The following MS4A13 variants were observed in gnomAD, a reference collection of about 807,000 sequenced individuals.
MS4A13 encodes membrane spanning 4-domains A13, also known as membrane-spanning 4-domains subfamily A member 13.
In MS4A13, 21 loss-of-function variants were observed where a neutral mutation model predicts 18.4. The observed-to-expected ratio is 1.14, with a 90% confidence interval of 0.81 to 1.64. The LOEUF (loss-of-function observed/expected upper bound fraction) is 1.64, where lower values mean the gene tolerates loss of function less well. Ranked by LOEUF, MS4A13 falls within the 40% of genes most tolerant of loss-of-function variation. The pLI is 0.00. For synonymous variants in MS4A13, 62 were observed against 57.2 expected (o/e 1.08, Z -0.38); for missense variants, 173 against 176.8 (o/e 0.98, Z 0.12).
Position 60,529,360 on chromosome 11 carries a change from T to C in MS4A13, c.307-5T>C. ...TTAAGATTTCTCCCTGTTTTTTGGT[T>C]ATAGAAACTTGGGAGGGAAGTATCA... On this transcript the variant is annotated splice_polypyrimidine_tract_variant and splice_region_variant and intron_variant, in intron 5 of 6. Transcript: ENST00000378186. The C allele has an allele frequency of 6.3e-7, 1 of 1,578,666 alleles. No homozygotes were observed. Among genetic ancestry groups the C allele is most frequent in the South Asian group, 1.1e-5 (1 of 88,174 alleles).
rs900238113 is a variant in MS4A13, at chr11:60,523,036, T to C, written c.130-861T>C. On this transcript the variant is annotated intron_variant, in intron 3 of 6. Coordinates refer to ENST00000378186, the MANE Select transcript of MS4A13 (RefSeq NM_001012417.3). ...ATAATCTCATTAGAGAGCACTCTAA[T>C]TCAAAATTCACAAGATATTTTCACT... is the stretch of plus-strand genomic sequence containing the variant. 2.6e-5 allele frequency among the ~76,000 whole-genome samples: 4 copies of C among 152,352 alleles called. No homozygotes were observed. The South Asian group carries it at 8.3e-4, about 32-fold the overall frequency.
At position 60,542,597 on chromosome 11, in the gene MS4A13, T is replaced by G. The variant is rs1443338434; in HGVS notation, c.*22T>G. On this transcript the variant is annotated 3_prime_UTR_variant, in exon 7 of 7. Transcript: ENST00000378186. ...TTAAAAACCCTAGAAATATGAGAAT[T>G]TTGCTGTTGCTGATGCCTGGTGTGG... is the stretch of plus-strand genomic sequence containing the variant. The G allele has an allele frequency of 6.4e-7, 1 of 1,556,636 alleles. No individual in the cohort carries two copies. Among genetic ancestry groups the G allele is most frequent in the South Asian group, 1.1e-5 (1 of 87,384 alleles).
At chr11:60,527,726 C>T (rs935845322) in intron 5 of MS4A13, among the ~76,000 whole-genome samples, 2 of 152,034 alleles carry the variant, frequency 1.3e-5, no homozygotes, top group African/African-American at 4.8e-5. Context: ...ATCCCAGCTA[C>T]TCCGGAGGCT....
chr11:60,528,170 ACT>A (rs72520486), intron 5 of MS4A13, among the ~76,000 whole-genome samples: 25,011 of 152,022 alleles, frequency 0.16, 2,291 homozygotes, highest in East Asian at 0.27. Context: ...TTTTAGCTTT[ACT>A]CTACTGGTTG....
intron 6 of MS4A13, among the ~76,000 whole-genome samples, chr11:60,538,129 T>A (rs1454201540): frequency 6.8e-6 from 1 of 146,164 alleles, no homozygotes; most frequent in Non-Finnish European, 1.5e-5. Context: ...TATACATATG[T>A]AACTAACCTG....
At chr11:60,527,090 T>TA (rs2086718338) in intron 5 of MS4A13, among the ~76,000 whole-genome samples, 1 of 152,216 alleles carries the variant, frequency 6.6e-6, no homozygotes, top group African/African-American at 2.4e-5. Flanking sequence ...GGAAATTACT[T>TA]ACCTCCTCAG....
chr11:60,539,882 A>G (rs1282907884), intron 6 of MS4A13, among the ~76,000 whole-genome samples: 1 of 152,214 alleles, frequency 6.6e-6, no homozygotes, highest in Non-Finnish European at 1.5e-5. Flanking sequence ...AATGAAGGTG[A>G]AATACAGACA....
rs1412501238 is a variant in MS4A13 at position 60,515,524 on chromosome 11, T to G, written c.-212T>G. 6.6e-6 allele frequency: 1 copy of G among 152,362 alleles called. No individual in the cohort carries two copies. The highest frequency in any genetic ancestry group is 1.5e-5 in the Non-Finnish European group (1 of 68,134). 9.4% of individuals were successfully genotyped at this position (152,362 alleles called of 1,614,324 possible). On this transcript the variant is annotated 5_prime_UTR_variant, in exon 1 of 7. Transcript: ENST00000378186. ...CGGGATCTTCCTCTTCATCTAGGCC[T>G]GGGCGCTGGCGTGAGAACTCGGACT...
chr11:60,524,790 G>C (rs2086701706), intron 4 of MS4A13, among the ~76,000 whole-genome samples: 1 of 151,278 alleles, frequency 6.6e-6, no homozygotes, highest in African/African-American at 2.4e-5. Context: ...CTCCCAAGTA[G>C]CTGGGCCTAC....
In MS4A13 at chr11:60,542,713, A is replaced by T. The variant is rs1291274348; in HGVS notation, c.*138A>T. The T allele has an allele frequency of 2.0e-6, 1 of 502,980 alleles. No individual in the cohort carries two copies. Among genetic ancestry groups the T allele is most frequent in the Non-Finnish European group, 3.5e-6 (1 of 282,058 alleles). The allele number at this position is 502,980 out of a possible 1,614,324, so 31.2% of individuals were successfully genotyped here. On this transcript the variant is annotated 3_prime_UTR_variant, in exon 7 of 7. Transcript: ENST00000378186. ...ACAAACAAGGTGAATTTTTCTCCTC[A>T]TTCAAAAATGTCTCTGCTTATATTT... is the stretch of plus-strand genomic sequence containing the variant.
intron 5 of MS4A13, among the ~76,000 whole-genome samples, chr11:60,527,730 G>A (rs915313703): frequency 6.6e-5 from 10 of 151,970 alleles, no homozygotes; most frequent in African/African-American, 1.7e-4. Context: ...CAGCTACTCC[G>A]GAGGCTAAGG....
chr11:60,522,234 A>ATATATATATATATATC (rs1402742805), intron 3 of MS4A13, among the ~76,000 whole-genome samples: 42 of 108,662 alleles, frequency 3.9e-4, no homozygotes, highest in South Asian at 3.5e-3. Context: ...ATAGATAGAT[A>ATATATATATATATATC]GATAGATGTA....
At chr11:60,529,290 T>C (rs2135260387) in intron 5 of MS4A13, 75 bp from the exon 6 acceptor site, 1 of 336,460 alleles carries the variant, frequency 3.0e-6, no homozygotes, top group Middle Eastern at 1.1e-3. Flanking sequence ...CTCATACCAG[T>C]AGCTCCTTCC....
intron 6 of MS4A13, among the ~76,000 whole-genome samples, chr11:60,541,751 T>C (rs2086860484): frequency 6.6e-6 from 1 of 152,070 alleles, no homozygotes; most frequent in Non-Finnish European, 1.5e-5. Flanking sequence ...TTATTTTTAT[T>C]ATAAAAGTTT....
intron 6 of MS4A13, among the ~76,000 whole-genome samples, chr11:60,541,999 G>C (rs1432837202): frequency 6.6e-6 from 1 of 151,910 alleles, no homozygotes; most frequent in Non-Finnish European, 1.5e-5. Flanking sequence ...TACTCGGGTG[G>C]CTGGGGCATG....
intron 6 of MS4A13, among the ~76,000 whole-genome samples, chr11:60,532,180 G>A (rs540078623): frequency 1.7e-4 from 26 of 152,304 alleles, no homozygotes; most frequent in Admixed American, 5.2e-4. Context: ...CAAGATGGCC[G>A]AATAGGAACA....
Position 60,542,669 on chromosome 11 carries a change from A to G in MS4A13, c.*94A>G. ...AACAAAGCAGTTACGAAGCCTACAGATTTTGTGCAAAATAAAATACAAACA... is the reference window on the plus strand; with the variant it reads ...AACAAAGCAGTTACGAAGCCTACAGGTTTTGTGCAAAATAAAATACAAACA... On this transcript the variant is annotated 3_prime_UTR_variant, in exon 7 of 7. Coordinates refer to ENST00000378186, the MANE Select transcript of MS4A13 (RefSeq NM_001012417.3). 2 of 685,344 alleles carry G rather than the reference A, an allele frequency of 2.9e-6. No individual in the cohort carries two copies. Among genetic ancestry groups the G allele is most frequent in the Non-Finnish European group, 4.7e-6 (2 of 421,716 alleles). 42.5% of individuals were successfully genotyped at this position (685,344 alleles called of 1,614,324 possible).
chr11:60,517,205 C>T (rs544008345), intron 2 of MS4A13, among the ~76,000 whole-genome samples: 1 of 151,936 alleles, frequency 6.6e-6, no homozygotes, highest in East Asian at 1.9e-4. Flanking sequence ...CAAAACTTCT[C>T]CAAAATGTAT....
At chr11:60,532,772 G>A (rs2086781650) in intron 6 of MS4A13, among the ~76,000 whole-genome samples, 1 of 122,804 alleles carries the variant, frequency 8.1e-6, no homozygotes, top group South Asian at 3.3e-4. Flanking sequence ...AAGTGTCCCT[G>A]TCTGACAGCT....
Sources: gnomAD v4.1 joint callset for allele counts (sites outside exome capture counted in the v4.1 genomes callset) on GRCh38, gnomAD v4.1.1 for gene constraint, MANE v1.5 for transcripts, NCBI Gene and HGNC (gene_info 2026-07-23, HGNC 2026-07-21) for gene names.